EYS: variants seen among roughly 807,000 people sequenced by gnomAD.
EYS encodes protein eyes shut homolog.
EYS carries 250 observed loss-of-function variants against 282.1 expected under a neutral mutation model. That is an observed-to-expected ratio of 0.89 (90% CI 0.80 to 0.98). The LOEUF is 0.98. Among genes scored for constraint, EYS ranks in the 50% least tolerant of loss-of-function variants. The pLI, the probability that EYS is intolerant of heterozygous loss-of-function variation, is 0.00. For synonymous variants in EYS, 1,355 were observed against 1,282.9 expected, an observed-to-expected ratio of 1.06 and a Z score of -1.20; for missense variants, 4,016 against 3,709.0, an observed-to-expected ratio of 1.08 and a Z score of -2.15.
intron 35 of EYS, among the ~76,000 whole-genome samples, chr6:63,948,587 C>G (rs1765468132): frequency 6.6e-6 from 1 of 150,702 alleles, no homozygotes; most frequent in African/African-American, 2.4e-5. Flanking sequence ...ATTTTTCTCT[C>G]TCTCCCTGAT....
chr6:64,852,091 C>A (rs1429156007), intron 19 of EYS, among the ~76,000 whole-genome samples: 1 of 152,082 alleles, frequency 6.6e-6, no homozygotes, highest in Non-Finnish European at 1.5e-5. Context: ...ATAGTGTCCT[C>A]CAAAATCTGT....
At position 64,637,352 on chromosome 6, in the gene EYS, C is replaced by A. The variant is rs1297004526; in HGVS notation, c.3444-11107G>T. On this transcript the variant is annotated intron_variant, in intron 22 of 42. Coordinates refer to ENST00000503581, the MANE Select transcript of EYS (RefSeq NM_001142800.2). Reference sequence around the variant, plus strand: ...GCAAACTATCGCAAGGACAAAAAAACAAACACCACATGTTCTCACTCATAG... The same window carrying A: ...GCAAACTATCGCAAGGACAAAAAAAAAAACACCACATGTTCTCACTCATAG... 7.2e-4 allele frequency among the ~76,000 whole-genome samples: 61 copies of A among 84,176 alleles called. 19 individuals carry two copies. Among genetic ancestry groups the A allele is most frequent in the Middle Eastern group, 5.7e-3 (1 of 174 alleles). 55.2% of individuals were successfully genotyped at this position (84,176 alleles called of 152,430 possible). A position where few individuals can be genotyped will look rare whatever the true frequency, so the allele number is the denominator to read the frequency against.
At chr6:64,566,971 C>T (rs1001110680) in intron 26 of EYS, among the ~76,000 whole-genome samples, 1 of 152,078 alleles carries the variant, frequency 6.6e-6, no homozygotes, top group African/African-American at 2.4e-5. Flanking sequence ...GACAGGGTTT[C>T]ACCATGTTGG....
intron 5 of EYS, among the ~76,000 whole-genome samples, chr6:65,453,411 TG>T (rs1764479024): frequency 6.6e-6 from 1 of 152,000 alleles, no homozygotes; most frequent in Non-Finnish European, 1.5e-5. Context: ...ACATTGTAAT[TG>T]TACATATTTA....
Position 63,942,675 on chromosome 6 carries a change from G to A in EYS, c.7055+41708C>T, listed in dbSNP as rs141816900. Among the ~76,000 whole-genome samples the A allele has an allele frequency of 1.1e-4, 17 of 152,102 alleles. No individual in the cohort carries two copies. In the East Asian group the frequency reaches 3.3e-3, roughly 30 times the overall value. ...GGACATTGAAACTAAAGCAAACAGT[G>A]GAAGAATAATTGGTACCATATAGAA... On this transcript the variant is annotated intron_variant, in intron 35 of 42. Transcript: ENST00000503581.
chr6:65,478,589 T>C (rs560452503), intron 5 of EYS, among the ~76,000 whole-genome samples: 1 of 152,270 alleles, frequency 6.6e-6, no homozygotes, highest in South Asian at 2.1e-4. Context: ...CTCATTTATA[T>C]TAGTGAATTT....
At chr6:65,540,196 G>C (rs867300847) in intron 2 of EYS, among the ~76,000 whole-genome samples, 1 of 152,128 alleles carries the variant, frequency 6.6e-6, no homozygotes. Flanking sequence ...TCTCCATTAA[G>C]CCATCATTCC....
At chr6:65,318,577 C>T (rs1460008437) in intron 11 of EYS, among the ~76,000 whole-genome samples, 6 of 145,470 alleles carry the variant, frequency 4.1e-5, no homozygotes, top group Admixed American at 2.8e-4. Context: ...ATATGTATTA[C>T]ATATATTTTG....
intron 5 of EYS, among the ~76,000 whole-genome samples, chr6:65,413,275 G>A (rs1767098660): frequency 1.3e-5 from 2 of 152,068 alleles, no homozygotes; most frequent in African/African-American, 4.8e-5. Flanking sequence ...TATTGACACT[G>A]ATTATATGTC....
intron 5 of EYS, among the ~76,000 whole-genome samples, chr6:65,408,648 C>T (rs1434890641): frequency 1.3e-5 from 2 of 151,988 alleles, no homozygotes; most frequent in African/African-American, 4.8e-5. Context: ...AAAGATTTGT[C>T]CATTTCGTTT....
chr6:65,651,714 T>G (rs1767656950), intron 1 of EYS, among the ~76,000 whole-genome samples: 1 of 152,078 alleles, frequency 6.6e-6, no homozygotes, highest in African/African-American at 2.4e-5. Flanking sequence ...CTTTCATGTT[T>G]ACTTTTGAAA....
chr6:65,550,143 C>CTTTTTTTTT (rs1048251073), intron 2 of EYS, among the ~76,000 whole-genome samples: 2 of 5,954 alleles, frequency 3.4e-4, no homozygotes, highest in Non-Finnish European at 4.9e-4. Flanking sequence ...TCTACTATAT[C>CTTTTTTTTT]TTTTTTTTTT....
intron 40 of EYS, among the ~76,000 whole-genome samples, chr6:63,769,849 T>A (rs1769887254): frequency 6.6e-6 from 1 of 152,062 alleles, no homozygotes; most frequent in Admixed American, 6.6e-5. Flanking sequence ...AGTCTAAGAC[T>A]GTAAGAGTTT....
intron 29 of EYS, among the ~76,000 whole-genome samples, chr6:64,375,975 C>T (rs113418983): frequency 0.01 from 1,573 of 152,064 alleles, 29 homozygotes; most frequent in African/African-American, 0.036. Flanking sequence ...GAAATTAATA[C>T]AAACCAAAAA....
chr6:64,821,855 G>A (rs1426507332), intron 20 of EYS, 132 bp from the exon 21 acceptor site: 2 of 494,260 alleles, frequency 4.0e-6, no homozygotes, highest in African/African-American at 4.0e-5. Context: ...ATACAAAGCA[G>A]AGTTTATTCC....
intron 5 of EYS, among the ~76,000 whole-genome samples, chr6:65,428,903 C>A (rs1306814694): frequency 6.6e-6 from 1 of 152,102 alleles, no homozygotes; most frequent in African/African-American, 2.4e-5. Context: ...ATGTTCTGAG[C>A]CGGGCGTGGT....
intron 22 of EYS, among the ~76,000 whole-genome samples, chr6:64,775,052 G>C (rs1057185816): frequency 2.6e-4 from 39 of 151,952 alleles, no homozygotes; most frequent in African/African-American, 8.5e-4. Flanking sequence ...AGAGATGTCC[G>C]TGACAGATAA....
chr6:64,459,267 T>G (rs1015334801), intron 26 of EYS, among the ~76,000 whole-genome samples: 4 of 152,204 alleles, frequency 2.6e-5, no homozygotes, highest in African/African-American at 9.7e-5. Context: ...ATACAGAGTT[T>G]CATAAATAGG....
chr6:65,273,915 C>A (rs778780683), intron 12 of EYS, among the ~76,000 whole-genome samples: 9 of 152,150 alleles, frequency 5.9e-5, no homozygotes, highest in Non-Finnish European at 7.3e-5. Flanking sequence ...TTTCCCGCAA[C>A]AATCAGACCT....
Sources: allele counts gnomAD v4.1 joint callset (sites outside exome capture counted in the v4.1 genomes callset), GRCh38; gene constraint gnomAD v4.1.1; transcripts MANE v1.5; gene names NCBI Gene and HGNC (gene_info 2026-07-23, HGNC 2026-07-21).